Variants in NSUN7 observed in about 807,000 individuals in gnomAD.
The protein encoded by NSUN7 is NOP2/Sun RNA methyltransferase family member 7, also known as protein NSUN7.
In NSUN7, 39 loss-of-function variants were observed where a neutral mutation model predicts 58.5. The ratio of observed to expected loss-of-function variants is 0.67; its 90% confidence interval spans 0.52 to 0.87. The LOEUF (loss-of-function observed/expected upper bound fraction) is 0.87, where lower values mean the gene tolerates loss of function less well. NSUN7 is among the 40% of genes least tolerant of loss of function. NSUN7 has a pLI of 0.00. For synonymous variants in NSUN7, 278 were observed against 303.7 expected (o/e 0.92, Z 0.88); for missense variants, 765 against 844.1 (o/e 0.91, Z 1.16).
chr4:40,764,603 G>C (rs1041889836), intron 4 of NSUN7, among the ~76,000 whole-genome samples: 3 of 152,142 alleles, frequency 2.0e-5, no homozygotes, highest in African/African-American at 7.2e-5. Flanking sequence ...CCAGTAACGG[G>C]ATAGCTGGGT....
chr4:40,808,414 G>A lies in NSUN7; in HGVS notation c.1632G>A (p.Lys544=). The change falls in exon 12 of 12, where the codon AAG becomes AAA. Residue 544 remains lysine (K), a synonymous_variant. Coordinates refer to ENST00000381782, the MANE Select transcript of NSUN7 (RefSeq NM_024677.6). ...ELGKSSKREK[K]KKKSKTSLTK... ...GTAAATCATCAAAACGGGAGAAGAAGAAGAAAAAATCAAAAACATCATTGA... is the reference window on the plus strand; with the variant it reads ...GTAAATCATCAAAACGGGAGAAGAAAAAGAAAAAATCAAAAACATCATTGA... The A allele has an allele frequency of 6.2e-7, 1 of 1,613,806 alleles. No homozygotes were observed. Among genetic ancestry groups the A allele is most frequent in the Non-Finnish European group, 8.5e-7 (1 of 1,179,872 alleles).
intron 11 of NSUN7, among the ~76,000 whole-genome samples, chr4:40,808,080 G>C (rs1244571714): frequency 1.4e-5 from 2 of 146,462 alleles, no homozygotes; most frequent in East Asian, 3.9e-4. Flanking sequence ...TTTCTATCAG[G>C]TATCAGGTTC....
intron 8 of NSUN7, among the ~76,000 whole-genome samples, chr4:40,792,636 A>T (rs529618436): frequency 6.6e-6 from 1 of 152,266 alleles, no homozygotes; most frequent in East Asian, 1.9e-4. Flanking sequence ...CTGTAGTCCC[A>T]GCTACTCGGG....
At chr4:40,780,790 C>CACACACACAT (rs1402006014) in intron 7 of NSUN7, among the ~76,000 whole-genome samples, 4 of 110,988 alleles carry the variant, frequency 3.6e-5, no homozygotes, top group African/African-American at 1.1e-4. Context: ...CACACACATA[C>CACACACACAT]ACATATATAT....
intron 11 of NSUN7, among the ~76,000 whole-genome samples, 166 bp downstream of exon 11, chr4:40,807,350 CT>C (rs372231273): frequency 0.45 from 62,213 of 139,484 alleles, 13,352 homozygotes; most frequent in Admixed American, 0.53. Flanking sequence ...AAGCCCTGTT[CT>C]TTTTTTTTTT....
intron 7 of NSUN7, chr4:40,776,607 G>T: frequency 5.5e-6 from 1 of 183,450 alleles, no homozygotes; most frequent in Non-Finnish European, 1.1e-5. Context: ...TAATATCTAG[G>T]ACTAGAAGCT....
intron 9 of NSUN7, among the ~76,000 whole-genome samples, chr4:40,796,222 C>T (rs528554208): frequency 2.0e-5 from 3 of 152,240 alleles, no homozygotes; most frequent in Admixed American, 6.5e-5. Context: ...GGCGTGTTGG[C>T]GCATGCCTGT....
Position 40,775,063 on chromosome 4 carries a change from G to T in NSUN7, c.825+113G>T. 2.0e-6 allele frequency: 1 copy of T among 507,296 alleles called. No individual in the cohort carries two copies. The highest frequency in any genetic ancestry group is 3.5e-6 in the Non-Finnish European group (1 of 288,176). The allele number at this position is 507,296 out of a possible 1,614,324, so 31.4% of individuals were successfully genotyped here. On this transcript the variant is annotated intron_variant, in intron 6 of 11. Coordinates refer to ENST00000381782, the MANE Select transcript of NSUN7 (RefSeq NM_024677.6). This position sits in a 1 kb window ranked among gnomAD's most constrained non-coding sequence, Gnocchi z 4.3. ...TTATATTTTTATAGATTATCAGGGA[G>T]GTTTATAAGGCCTAATTGTCACCTT...
At chr4:40,781,776 C>G (rs1742577896) in intron 7 of NSUN7, among the ~76,000 whole-genome samples, 1 of 152,040 alleles carries the variant, frequency 6.6e-6, no homozygotes. Context: ...CAACTAAATG[C>G]TGTTTACCAG....
chr4:40,757,407 G>A (rs546589019), intron 2 of NSUN7, among the ~76,000 whole-genome samples: 1 of 151,776 alleles, frequency 6.6e-6, no homozygotes, highest in South Asian at 2.1e-4. Context: ...TATATTACAT[G>A]CATTTTTGAT....
chr4:40,796,887 T>C (rs1743344936), intron 9 of NSUN7, among the ~76,000 whole-genome samples: 1 of 152,180 alleles, frequency 6.6e-6, no homozygotes, highest in South Asian at 2.1e-4. Flanking sequence ...AAAATTCCTG[T>C]AACTTGCCTT....
intron 7 of NSUN7, chr4:40,786,425 T>A: frequency 6.2e-7 from 1 of 1,612,008 alleles, no homozygotes; most frequent in Non-Finnish European, 8.5e-7. Context: ...TCTGTTGATG[T>A]CGAAAGGATG....
At position 40,811,070 on chromosome 4, in the gene NSUN7, A is replaced by G. The variant is rs1744301807; in HGVS notation, c.*2131A>G. The G allele has an allele frequency of 6.6e-6, 1 of 152,186 alleles. No homozygotes were observed. Among genetic ancestry groups the G allele is most frequent in the South Asian group, 2.1e-4 (1 of 4,820 alleles). 9.4% of individuals were successfully genotyped at this position (152,186 alleles called of 1,614,324 possible). Reference sequence around the variant, plus strand: ...TTTCTGATCTCTACAGTAGCATGTGAAGTCACAATTTGTTGCCACTTACAT... The same window carrying G: ...TTTCTGATCTCTACAGTAGCATGTGGAGTCACAATTTGTTGCCACTTACAT... On this transcript the variant is annotated 3_prime_UTR_variant, in exon 12 of 12. Transcript: ENST00000381782.
At chr4:40,766,820 T>A (rs1411138474) in intron 4 of NSUN7, among the ~76,000 whole-genome samples, 2 of 151,160 alleles carry the variant, frequency 1.3e-5, no homozygotes, top group Non-Finnish European at 3.0e-5. Flanking sequence ...GGAGAGTGTA[T>A]GTGTCGAGGA....
chr4:40,799,694 G>A (rs543989330), intron 10 of NSUN7, among the ~76,000 whole-genome samples: 6 of 152,048 alleles, frequency 3.9e-5, no homozygotes, highest in Non-Finnish European at 8.8e-5. Context: ...ACTACTTGTT[G>A]GGGATGCTGC....
chr4:40,774,221 T>C, intron 4 of NSUN7, 44 bp from the exon 5 acceptor site: 1 of 1,558,616 alleles, frequency 6.4e-7, no homozygotes, highest in Non-Finnish European at 8.8e-7. Context: ...ATTGATAGTC[T>C]TGTCTCAAAT....
intron 11 of NSUN7, among the ~76,000 whole-genome samples, 197 bp from the exon 12 acceptor site, chr4:40,808,110 T>G (rs377160141): frequency 1.6e-4 from 3 of 18,506 alleles, no homozygotes; most frequent in Admixed American, 8.2e-4. Context: ...GAAGTTTAAG[T>G]TTTTTTTTTG....
At chr4:40,755,675 CAG>C (rs1177584860) in intron 2 of NSUN7, among the ~76,000 whole-genome samples, 1 of 152,164 alleles carries the variant, frequency 6.6e-6, no homozygotes, top group African/African-American at 2.4e-5. Context: ...TAACTGTAGT[CAG>C]GGGTTCCTAA....
At chr4:40,755,939 A>G (rs907287870) in intron 2 of NSUN7, among the ~76,000 whole-genome samples, 3 of 152,208 alleles carry the variant, frequency 2.0e-5, no homozygotes, top group African/African-American at 7.2e-5. Flanking sequence ...CAACTAGGGA[A>G]GTTCATCTGA....
Sources: allele counts gnomAD v4.1 joint callset (sites outside exome capture counted in the v4.1 genomes callset), GRCh38; gene constraint gnomAD v4.1.1; non-coding constraint Gnocchi (gnomAD v3.1); transcripts MANE v1.5; gene names NCBI Gene and HGNC (gene_info 2026-07-23, HGNC 2026-07-21).